The following LMTK2 variants were observed in gnomAD, a reference collection of about 807,000 sequenced individuals.
The protein encoded by LMTK2 is serine/threonine-protein kinase LMTK2.
Under a neutral mutation model 127.5 loss-of-function variants are expected in LMTK2, and 37 were observed. The observed-to-expected ratio is 0.29, with a 90% CI of 0.22 to 0.38. The LOEUF is 0.38. Ranked by LOEUF, LMTK2 falls within the 10% of genes least tolerant of loss-of-function variation. The probability of loss-of-function intolerance (pLI) is 1.00; values close to 1 mark genes in which losing one functional copy is unlikely to be tolerated. For synonymous variants in LMTK2, 819 were observed against 810.1 expected (o/e 1.01, Z -0.19); for missense variants, 1,694 against 1,920.3 (o/e 0.88, Z 2.20).
At position 98,193,970 on chromosome 7, in the gene LMTK2, C is replaced by T. The variant is rs765099123; in HGVS notation, c.3505C>T (p.His1169Tyr). ...QPDESCLSAL[H>Y]NSSDLELRAT... is the part of the protein sequence containing the mutation. ...AGATGAAAGTTGTCTGTCTGCTTTGCACAACTCCAGTGACCTGGAATTAAG... is the reference window on the plus strand; with the variant it reads ...AGATGAAAGTTGTCTGTCTGCTTTGTACAACTCCAGTGACCTGGAATTAAG... The change falls in exon 11 of 14, where the codon CAC becomes TAC. Residue 1169 changes from histidine to tyrosine, a missense_variant. By Grantham distance (83) the His-to-Tyr change is moderately conservative (BLOSUM62 2). Coordinates refer to ENST00000297293, the MANE Select transcript of LMTK2 (RefSeq NM_014916.4). The surrounding 1 kb of genome is among the most constrained non-coding windows in gnomAD (Gnocchi z 4.1). 6.2e-7 allele frequency: 1 copy of T among 1,614,110 alleles called. No individual in the cohort carries two copies. Among genetic ancestry groups the T allele is most frequent in the Non-Finnish European group, 8.5e-7 (1 of 1,180,054 alleles).
At chr7:98,178,202 C>G (rs975625326) in intron 7 of LMTK2, among the ~76,000 whole-genome samples, 3 of 152,168 alleles carry the variant, frequency 2.0e-5, no homozygotes, top group African/African-American at 4.8e-5. Flanking sequence ...ATTTTGCTTC[C>G]TGTCTGTGAA....
At position 98,208,067 on chromosome 7, in the gene LMTK2, T is replaced by C. The variant is rs1344758921; in HGVS notation, c.*2575T>C. ...TGGGTGTTGCAGTGAGCTGAGACCA[T>C]GCCACTGTACTCTAGCCTGGGTAAC... On this transcript the variant is annotated 3_prime_UTR_variant, in exon 14 of 14. Coordinates refer to ENST00000297293, the MANE Select transcript of LMTK2 (RefSeq NM_014916.4). The C allele has an allele frequency of 1.3e-5, 2 of 151,652 alleles. No individual in the cohort carries two copies. Among genetic ancestry groups the C allele is most frequent in the African/African-American group, 4.9e-5 (2 of 41,214 alleles). The allele number at this position is 151,652 out of a possible 1,614,324, so 9.4% of individuals were successfully genotyped here.
intron 1 of LMTK2, 25 bp downstream of exon 1, chr7:98,107,305 G>C: frequency 7.7e-7 from 1 of 1,306,936 alleles, no homozygotes; most frequent in Non-Finnish European, 9.7e-7. Context: ...GGCGGGGACG[G>C]GGCTGCGGGG....
rs1322678109 is a variant in LMTK2, at chr7:98,179,591, T to TCCC, written c.792-5460_792-5459insCCC. Among the ~76,000 whole-genome samples, 27 of 142,258 alleles carry TCCC rather than the reference T, an allele frequency of 1.9e-4. No homozygotes were observed. The East Asian group carries it at 5.9e-3, about 31-fold the overall frequency. 93.3% of individuals were successfully genotyped at this position (142,258 alleles called of 152,430 possible). On this transcript the variant is annotated intron_variant, in intron 7 of 13. Coordinates refer to ENST00000297293, the MANE Select transcript of LMTK2 (RefSeq NM_014916.4). ...ATGTTCCTCCTCCCTCTCTCCCTCC[T>TCCC]TCCCTCTCTCCCTCCCTCCCTTTCT...
chr7:98,184,379 A>G (rs956571170), intron 7 of LMTK2, among the ~76,000 whole-genome samples: 2 of 151,704 alleles, frequency 1.3e-5, no homozygotes, highest in Admixed American at 6.6e-5. Context: ...CATTTTAGAG[A>G]GACAGTTTAA....
At chr7:98,150,240 G>A (rs567463686) in intron 3 of LMTK2, among the ~76,000 whole-genome samples, 3 of 150,808 alleles carry the variant, frequency 2.0e-5, no homozygotes, top group African/African-American at 4.9e-5. Flanking sequence ...CCCGGGAGGC[G>A]TAGGTTGCAG....
intron 4 of LMTK2, 66 bp from the exon 5 acceptor site, chr7:98,154,692 G>A (rs1796902024): frequency 2.0e-6 from 2 of 1,014,780 alleles, no homozygotes; most frequent in African/African-American, 1.6e-5. Flanking sequence ...CCATTTCCCG[G>A]TAAATGCAGC....
intron 6 of LMTK2, 71 bp downstream of exon 6, chr7:98,159,496 A>T: frequency 3.0e-6 from 3 of 1,005,970 alleles, no homozygotes; most frequent in Non-Finnish European, 3.2e-6. Context: ...ACAGATGGAC[A>T]TGCTGGATGA....
Position 98,107,101 on chromosome 7 carries a change from G to A in LMTK2, c.-77G>A, listed in dbSNP as rs565683378. 3.6e-4 allele frequency: 413 copies of A among 1,155,392 alleles called. 1 individual carries two copies. In the African/African-American group the frequency reaches 5.6e-3, roughly 16 times the overall value. The allele number at this position is 1,155,392 out of a possible 1,614,324, so 71.6% of individuals were successfully genotyped here. A position where few individuals can be genotyped will look rare whatever the true frequency, so the allele number is the denominator to read the frequency against. ...GCCACTGAGGCAGCGGAGGGAGGCAGGATCGACTGACGGGCGAACGGACGG... is the reference window on the plus strand; with the variant it reads ...GCCACTGAGGCAGCGGAGGGAGGCAAGATCGACTGACGGGCGAACGGACGG... On this transcript the variant is annotated 5_prime_UTR_variant, in exon 1 of 14. Transcript: ENST00000297293.
At chr7:98,111,355 A>G (rs1796199033) in intron 1 of LMTK2, among the ~76,000 whole-genome samples, 1 of 152,272 alleles carries the variant, frequency 6.6e-6, no homozygotes, top group Non-Finnish European at 1.5e-5. Flanking sequence ...GGGTTCTGAA[A>G]CAGTAAACAA....
intron 5 of LMTK2, among the ~76,000 whole-genome samples, chr7:98,157,438 C>T (rs1460332528): frequency 2.6e-5 from 4 of 152,030 alleles, no homozygotes; most frequent in Non-Finnish European, 5.9e-5. Context: ...CAAAATTAAC[C>T]GTCACATCAT....
At chr7:98,151,116 C>G (rs74704619) in intron 3 of LMTK2, among the ~76,000 whole-genome samples, 8,055 of 152,016 alleles carry the variant, frequency 0.053, 629 homozygotes, top group East Asian at 0.36. Flanking sequence ...GGCCATTGGC[C>G]TGGTGATTGG....
intron 8 of LMTK2, among the ~76,000 whole-genome samples, 190 bp from the exon 9 acceptor site, chr7:98,186,687 A>G (rs41278842): frequency 0.41 from 61,607 of 151,966 alleles, 12,902 homozygotes; most frequent in South Asian, 0.52. Flanking sequence ...TGAGGTCATG[A>G]AGCCCAGGAG....
intron 6 of LMTK2, among the ~76,000 whole-genome samples, chr7:98,168,237 C>T (rs1026021973): frequency 5.9e-5 from 9 of 152,080 alleles, no homozygotes; most frequent in Non-Finnish European, 7.4e-5. Context: ...GATGGACTCT[C>T]GAGAGGACTG....
intron 11 of LMTK2, among the ~76,000 whole-genome samples, chr7:98,199,262 G>A (rs924265563): frequency 1.3e-5 from 2 of 152,130 alleles, no homozygotes; most frequent in African/African-American, 2.4e-5. Context: ...TGTCATTGCC[G>A]ATTTTTCTGC....
chr7:98,162,946 G>A (rs1432091692), intron 6 of LMTK2, among the ~76,000 whole-genome samples: 1 of 152,190 alleles, frequency 6.6e-6, no homozygotes, highest in East Asian at 1.9e-4. Flanking sequence ...ATGGAGGATT[G>A]TTAAAAGGAA....
rs997913008 is a variant in LMTK2 at position 98,109,760 on chromosome 7, A to AAAAG, written c.103+2485_103+2488dup. 1.4e-4 allele frequency among the ~76,000 whole-genome samples: 22 copies of AAAAG among 151,830 alleles called. No individual in the cohort carries two copies. In the East Asian group the frequency reaches 1.9e-3, roughly 13 times the overall value. On this transcript the variant is annotated intron_variant, in intron 1 of 13. Transcript: ENST00000297293. ...CTCCGTCTCAAAAAAAAAAAAAAAA[A>AAAAG]AAAGAAAGGAAGATGCACAATCAGA...
In LMTK2 at chr7:98,171,410, C is replaced by T. The variant is rs1797188653; in HGVS notation, c.658-131C>T. On this transcript the variant is annotated intron_variant, in intron 6 of 13. Transcript: ENST00000297293. The surrounding 1 kb of genome is among the most constrained non-coding windows in gnomAD (Gnocchi z 5.1). ...ATACTTTCGCAGTATTGGGTTGGAA[C>T]TTCTTTAAGTATGAACAAAAGAAGT... is the stretch of plus-strand genomic sequence containing the variant. 8.4e-7 allele frequency: 1 copy of T among 1,186,004 alleles called. No homozygotes were observed. Among genetic ancestry groups the T allele is most frequent in the Admixed American group, 1.9e-5 (1 of 52,598 alleles). The allele number at this position is 1,186,004 out of a possible 1,614,324, so 73.5% of individuals were successfully genotyped here. A position where few individuals can be genotyped will look rare whatever the true frequency, so the allele number is the denominator to read the frequency against.
intron 11 of LMTK2, among the ~76,000 whole-genome samples, chr7:98,202,894 A>C (rs1797723246): frequency 6.6e-6 from 1 of 152,110 alleles, no homozygotes; most frequent in Admixed American, 6.5e-5. Flanking sequence ...TAGAAAGTTG[A>C]GGCTTTAGTT....
Sources: gnomAD v4.1 joint callset for allele counts (sites outside exome capture counted in the v4.1 genomes callset) on GRCh38, gnomAD v4.1.1 for gene constraint, Gnocchi (gnomAD v3.1) non-coding constraint, MANE v1.5 for transcripts, NCBI Gene and HGNC (gene_info 2026-07-23, HGNC 2026-07-21) for gene names.